The following BTBD10 variants were observed in gnomAD, a reference collection of about 807,000 sequenced individuals.
BTBD10 encodes BTB/POZ domain-containing protein 10.
In BTBD10, 21 loss-of-function variants were observed where a neutral mutation model predicts 53.2. The observed-to-expected ratio is 0.39, with a 90% CI of 0.28 to 0.57. The LOEUF (loss-of-function observed/expected upper bound fraction) is 0.57, where lower values mean the gene tolerates loss of function less well. Ranked by LOEUF, BTBD10 falls within the 20% of genes least tolerant of loss-of-function variation. The probability of loss-of-function intolerance (pLI) is 0.53; values close to 1 mark genes in which losing one functional copy is unlikely to be tolerated. For synonymous variants in BTBD10, 149 were observed against 192.7 expected (o/e 0.77, Z 1.88); for missense variants, 360 against 594.7 (o/e 0.61, Z 4.10).
At chr11:13,460,146 C>T (rs1025250800) in intron 1 of BTBD10, among the ~76,000 whole-genome samples, 4 of 152,142 alleles carry the variant, frequency 2.6e-5, no homozygotes, top group Non-Finnish European at 5.9e-5. Context: ...GATGACTGAG[C>T]TAAAATGAAG....
chr11:13,452,913 T>C (rs1184578069), intron 1 of BTBD10, among the ~76,000 whole-genome samples: 1 of 152,194 alleles, frequency 6.6e-6, no homozygotes, highest in Non-Finnish European at 1.5e-5. Context: ...AAATTTTGTG[T>C]ATATTTTATT....
intron 8 of BTBD10, among the ~76,000 whole-genome samples, chr11:13,393,055 C>G (rs950943227): frequency 2.6e-5 from 4 of 152,120 alleles, no homozygotes; most frequent in Non-Finnish European, 5.9e-5. Flanking sequence ...AATGAAAAAC[C>G]CCAAAGAAGT....
At chr11:13,390,161 A>AC (rs1315778161) in intron 8 of BTBD10, among the ~76,000 whole-genome samples, 1 of 152,152 alleles carries the variant, frequency 6.6e-6, no homozygotes, top group Admixed American at 6.5e-5. Context: ...ACTATTATAG[A>AC]CCCCTTCCCT....
chr11:13,449,268 G>A (rs1455754603), intron 1 of BTBD10, among the ~76,000 whole-genome samples: 1 of 152,064 alleles, frequency 6.6e-6, no homozygotes, highest in Non-Finnish European at 1.5e-5. Flanking sequence ...CACAGTGTAT[G>A]GAGACCACTT....
chr11:13,452,731 A>C lies in BTBD10; in HGVS notation c.-57-7550T>G, dbSNP rs181947653. Reference sequence around the variant, plus strand: ...AGAAAAAAACCTGTATAACTGTGTAAAAGTTTATTAACATTCAAGACCGCA... The same window carrying C: ...AGAAAAAAACCTGTATAACTGTGTACAAGTTTATTAACATTCAAGACCGCA... On this transcript the variant is annotated intron_variant, in intron 1 of 8. Coordinates refer to ENST00000278174, the MANE Select transcript of BTBD10 (RefSeq NM_032320.7). Among the ~76,000 whole-genome samples, 190 of 152,318 alleles carry C rather than the reference A, an allele frequency of 1.2e-3. 1 individual carries two copies. The highest frequency in any genetic ancestry group is 4.5e-3 in the African/African-American group (187 of 41,578).
intron 3 of BTBD10, among the ~76,000 whole-genome samples, chr11:13,420,149 T>C (rs185171981): frequency 6.6e-6 from 1 of 152,268 alleles, no homozygotes; most frequent in African/African-American, 2.4e-5. Flanking sequence ...CAATTTAAGC[T>C]GTCCTAATTA....
chr11:13,390,099 T>A (rs995614527), intron 8 of BTBD10, among the ~76,000 whole-genome samples: 4 of 108,500 alleles, frequency 3.7e-5, no homozygotes, highest in Non-Finnish European at 8.6e-5. Context: ...AAAAAAAAAA[T>A]TAGTTATTTA....
intron 8 of BTBD10, among the ~76,000 whole-genome samples, chr11:13,395,305 T>A (rs374779698): frequency 2.6e-5 from 4 of 152,238 alleles, no homozygotes; most frequent in African/African-American, 4.8e-5. Flanking sequence ...GATGATGAGC[T>A]TTTTTTCATG....
rs1364735256 is a variant in BTBD10 at position 13,440,138 on chromosome 11, T to C, written c.101+4886A>G. On this transcript the variant is annotated intron_variant, in intron 2 of 8. Transcript: ENST00000278174. ...CCTTTAGCTTCCTCCCTCTACTGTG[T>C]AATAATGCTGTTGCAATATTTAGGC... 3 of 1,505,072 alleles carry C rather than the reference T, an allele frequency of 2.0e-6. No individual in the cohort carries two copies. In the South Asian group the frequency reaches 3.6e-5, roughly 18 times the overall value. The allele number at this position is 1,505,072 out of a possible 1,614,324, so 93.2% of individuals were successfully genotyped here.
At chr11:13,394,893 T>C (rs1949501108) in intron 8 of BTBD10, among the ~76,000 whole-genome samples, 1 of 152,002 alleles carries the variant, frequency 6.6e-6, no homozygotes, top group South Asian at 2.1e-4. Flanking sequence ...TATGGCTGCA[T>C]AGTATTCCAT....
intron 2 of BTBD10, chr11:13,439,803 T>C (rs1414753405): frequency 6.1e-6 from 7 of 1,153,632 alleles, no homozygotes; most frequent in Non-Finnish European, 8.3e-6. Context: ...AGGTCACACA[T>C]ATCCCTCTCA....
intron 8 of BTBD10, among the ~76,000 whole-genome samples, chr11:13,398,994 C>T (rs1949638211): frequency 6.6e-6 from 1 of 152,180 alleles, no homozygotes; most frequent in Non-Finnish European, 1.5e-5. Context: ...TTCATTTCAA[C>T]TTTGGTGAAT....
At chr11:13,440,152 C>A in intron 2 of BTBD10, 1 of 1,493,942 alleles carries the variant, frequency 6.7e-7, no homozygotes, top group Non-Finnish European at 8.9e-7. Flanking sequence ...AATGCTGTTG[C>A]AATATTTAGG....
At chr11:13,449,605 C>G (rs1170696746) in intron 1 of BTBD10, among the ~76,000 whole-genome samples, 1 of 152,146 alleles carries the variant, frequency 6.6e-6, no homozygotes, top group Non-Finnish European at 1.5e-5. Flanking sequence ...AGTCCATTTT[C>G]TGTTGCTGTA....
At chr11:13,439,530 T>G (rs1950608860) in intron 2 of BTBD10, among the ~76,000 whole-genome samples, 1 of 152,154 alleles carries the variant, frequency 6.6e-6, no homozygotes, top group Non-Finnish European at 1.5e-5. Flanking sequence ...TTTCAATTAT[T>G]TCATTTATCT....
chr11:13,418,763 A>C (rs1286531277), intron 4 of BTBD10, among the ~76,000 whole-genome samples: 2 of 152,016 alleles, frequency 1.3e-5, no homozygotes, highest in Non-Finnish European at 2.9e-5. Context: ...ATGCCCTTTC[A>C]TTTGATAGTA....
Position 13,421,760 on chromosome 11 carries a change from T to A in BTBD10, c.180A>T (p.Arg60Ser). The A allele has an allele frequency of 1.2e-6, 2 of 1,614,130 alleles. No homozygotes were observed. The highest frequency in any genetic ancestry group is 2.2e-5 in the South Asian group (2 of 91,086). ...SLHGASGGHE[R>S]SRDRRRSSDR... ...CACTTGACCTTCGTCTATCTCTTGATCTCTCATGTCCCCCACTAGCACCAT... is the reference window on the plus strand; with the variant it reads ...CACTTGACCTTCGTCTATCTCTTGAACTCTCATGTCCCCCACTAGCACCAT... The change falls in exon 3 of 9, where the codon AGA (arginine) becomes AGT (serine). Residue 60 changes from arginine (R) to serine (S), a missense_variant. By Grantham distance (110) the Arg-to-Ser change is moderately radical. Transcript: ENST00000278174.
chr11:13,397,737 TTG>T (rs769306659), intron 8 of BTBD10, among the ~76,000 whole-genome samples: 1 of 152,240 alleles, frequency 6.6e-6, no homozygotes, highest in Non-Finnish European at 1.5e-5. Context: ...TTCTGGTATG[TTG>T]TGTCTTTTTT....
At chr11:13,418,568 T>C (rs1950173902) in intron 4 of BTBD10, among the ~76,000 whole-genome samples, 1 of 152,088 alleles carries the variant, frequency 6.6e-6, no homozygotes, top group African/African-American at 2.4e-5. Flanking sequence ...GTTCAAAGAT[T>C]TTTTTTCATG....
Sources: gnomAD v4.1 joint callset for allele counts (sites outside exome capture counted in the v4.1 genomes callset) on GRCh38, gnomAD v4.1.1 for gene constraint, MANE v1.5 for transcripts, NCBI Gene and HGNC (gene_info 2026-07-23, HGNC 2026-07-21) for gene names.